The following CORO2B variants were observed in gnomAD, a reference collection of about 807,000 sequenced individuals.
CORO2B encodes the protein coronin-2B.
A neutral mutation model predicts 58.8 loss-of-function variants in CORO2B; 26 were observed. That is an observed-to-expected ratio of 0.44 (90% CI 0.32 to 0.61). The LOEUF is 0.61. Ranked by LOEUF, CORO2B falls within the 20% of genes least tolerant of loss-of-function variation. CORO2B has a pLI of 0.04. For missense variants in CORO2B, 460 were observed against 645.1 expected (o/e 0.71, Z 3.11); for synonymous variants, 242 against 253.8 (o/e 0.95, Z 0.44).
upstream of CORO2B, among the ~76,000 whole-genome samples, chr15:68,576,203 T>A (rs1414090766): frequency 6.9e-6 from 1 of 145,772 alleles, no homozygotes; most frequent in Non-Finnish European, 1.5e-5. Context: ...ATGCATGTAT[T>A]TCTCAGTATC....
intron 11 of CORO2B, among the ~76,000 whole-genome samples, chr15:68,725,084 A>G (rs1192509814): frequency 6.6e-6 from 1 of 152,216 alleles, no homozygotes; most frequent in Non-Finnish European, 1.5e-5. Context: ...AATTATCAGC[A>G]CAAGCCGGGC....
the CORO2B span, among the ~76,000 whole-genome samples, chr15:68,550,269 T>C: frequency 6.6e-6 from 1 of 152,250 alleles, no homozygotes; most frequent in East Asian, 1.9e-4. Flanking sequence ...ACCCCCGGGA[T>C]GTAATGCCCC....
At position 68,643,086 on chromosome 15, in the gene CORO2B, G is replaced by T. The variant is rs973783852; in HGVS notation, c.16-2074G>T. ...TTAAAACTTAGCCACATTAGCAGTA[G>T]TATCTGTGAAATCATGGATTTGGCA... On this transcript the variant is annotated intron_variant, in intron 1 of 11. Coordinates refer to ENST00000261861, the MANE Select transcript of CORO2B (RefSeq NM_006091.5). Among the ~76,000 whole-genome samples, 3 of 152,226 alleles carry T rather than the reference G, an allele frequency of 2.0e-5. No individual in the cohort carries two copies. In the East Asian group the frequency reaches 5.8e-4, roughly 29 times the overall value.
At chr15:68,656,241 G>A (rs1901803989) in intron 2 of CORO2B, among the ~76,000 whole-genome samples, 2 of 150,462 alleles carry the variant, frequency 1.3e-5, no homozygotes, top group Admixed American at 1.3e-4. Flanking sequence ...GATGTGGGAG[G>A]AAGAAGGGTT....
chr15:68,697,910 C>T (rs1279327533), intron 3 of CORO2B, among the ~76,000 whole-genome samples: 2 of 152,146 alleles, frequency 1.3e-5, no homozygotes, highest in East Asian at 3.9e-4. Context: ...GTTCAGGGAG[C>T]CCAAGAAGGA....
At chr15:68,685,846 C>T (rs1246606041) in intron 2 of CORO2B, among the ~76,000 whole-genome samples, 1 of 151,886 alleles carries the variant, frequency 6.6e-6, no homozygotes, top group Admixed American at 6.6e-5. Context: ...ACTTAAACTC[C>T]CAGGTGATTC....
At chr15:68,683,552 G>GT (rs748042283) in intron 2 of CORO2B, among the ~76,000 whole-genome samples, 12 of 151,764 alleles carry the variant, frequency 7.9e-5, no homozygotes, top group Non-Finnish European at 1.5e-4. Flanking sequence ...AACAGTTACA[G>GT]TTTTGGTGCA....
In CORO2B at chr15:68,725,837, C is replaced by A; in HGVS notation, c.1312-6C>A. On this transcript the variant is annotated splice_polypyrimidine_tract_variant and splice_region_variant and intron_variant, in intron 11 of 11. Transcript: ENST00000261861. ...CTCCTTGGCCCCCTCTCTTCCTCCACCCCAGCTCCTTCGAATGTTCTTCCG... is the reference window on the plus strand; with the variant it reads ...CTCCTTGGCCCCCTCTCTTCCTCCAACCCAGCTCCTTCGAATGTTCTTCCG... 1 of 1,613,532 alleles carries A rather than the reference C, an allele frequency of 6.2e-7. No homozygotes were observed. Among genetic ancestry groups the A allele is most frequent in the South Asian group, 1.1e-5 (1 of 91,090 alleles).
At chr15:68,724,574 G>A (rs1465878800) in intron 11 of CORO2B, among the ~76,000 whole-genome samples, 1 of 152,126 alleles carries the variant, frequency 6.6e-6, no homozygotes. Flanking sequence ...CAGTCTTTTA[G>A]GGCTAGATCT....
chr15:68,676,153 GC>G (rs1902578444), intron 2 of CORO2B, among the ~76,000 whole-genome samples: 1 of 152,168 alleles, frequency 6.6e-6, no homozygotes, highest in South Asian at 2.1e-4. Context: ...GTGTGCAAGG[GC>G]ACAGTGTGGG....
the CORO2B span, among the ~76,000 whole-genome samples, chr15:68,572,614 A>C: frequency 6.6e-6 from 1 of 152,126 alleles, no homozygotes; most frequent in Non-Finnish European, 1.5e-5. Flanking sequence ...ACCACCCCCC[A>C]GCTCCAGGTT....
At chr15:68,622,624 T>C (rs1900559116) in intron 1 of CORO2B, among the ~76,000 whole-genome samples, 1 of 152,132 alleles carries the variant, frequency 6.6e-6, no homozygotes. Flanking sequence ...CAGAAGCAGC[T>C]CAGCCCTATG....
At chr15:68,682,103 T>C (rs1902811050) in intron 2 of CORO2B, among the ~76,000 whole-genome samples, 2 of 152,076 alleles carry the variant, frequency 1.3e-5, no homozygotes, top group Admixed American at 6.5e-5. Context: ...CTGCTTCAGC[T>C]TTCATGGTAG....
At chr15:68,606,223 G>A (rs1900120758) in intron 1 of CORO2B, among the ~76,000 whole-genome samples, 2 of 152,180 alleles carry the variant, frequency 1.3e-5, no homozygotes, top group South Asian at 2.1e-4. Flanking sequence ...GAATTTTGGA[G>A]CCATCAGCCT....
At chr15:68,699,426 G>T (rs1421895305) in intron 3 of CORO2B, among the ~76,000 whole-genome samples, 1 of 152,164 alleles carries the variant, frequency 6.6e-6, no homozygotes, top group Non-Finnish European at 1.5e-5. Context: ...GCTGGATACA[G>T]GTAGATCAGT....
At chr15:68,632,360 A>G in intron 1 of CORO2B, 1 of 985,378 alleles carries the variant, frequency 1.0e-6, no homozygotes, top group Non-Finnish European at 1.2e-6. Flanking sequence ...CAGTGATAAA[A>G]CGCATTCAGC....
At chr15:68,708,308 A>G (rs2140324791) in intron 3 of CORO2B, among the ~76,000 whole-genome samples, 1 of 151,076 alleles carries the variant, frequency 6.6e-6, no homozygotes, top group African/African-American at 2.4e-5. Flanking sequence ...CCCAGTTCCT[A>G]GCCTTGCTCC....
At chr15:68,599,719 C>T (rs1204581017) in intron 1 of CORO2B, among the ~76,000 whole-genome samples, 1 of 152,216 alleles carries the variant, frequency 6.6e-6, no homozygotes, top group African/African-American at 2.4e-5. Flanking sequence ...CTGGTGACCT[C>T]ATGACAGTAG....
intron 2 of CORO2B, among the ~76,000 whole-genome samples, chr15:68,659,869 G>C (rs1901958473): frequency 6.6e-6 from 1 of 152,172 alleles, no homozygotes; most frequent in South Asian, 2.1e-4. Flanking sequence ...GGGAGGTGGA[G>C]GTTGCAGTGA....
Sources: gnomAD v4.1 joint callset for allele counts (sites outside exome capture counted in the v4.1 genomes callset) on GRCh38, gnomAD v4.1.1 for gene constraint, MANE v1.5 for transcripts, NCBI Gene and HGNC (gene_info 2026-07-23, HGNC 2026-07-21) for gene names.